The following ZNF69 variants were observed in gnomAD, a reference collection of about 807,000 sequenced individuals.
The protein encoded by ZNF69 is zinc finger protein 69.
ZNF69 carries 47 observed loss-of-function variants against 50.9 expected under a neutral mutation model. The ratio of observed to expected loss-of-function variants is 0.92; its 90% CI spans 0.73 to 1.18. The LOEUF (loss-of-function observed/expected upper bound fraction) is 1.18. ZNF69 is among the 50% of genes most tolerant of loss of function. The probability of loss-of-function intolerance (pLI) is 0.00; values close to 1 mark genes in which losing one functional copy is unlikely to be tolerated. For synonymous variants in ZNF69, 216 were observed against 223.1 expected (o/e 0.97, Z 0.29); for missense variants, 717 against 675.1 (o/e 1.06, Z -0.69).
the ZNF69 span, among the ~76,000 whole-genome samples, chr19:11,938,927 G>A: frequency 2.0e-5 from 3 of 152,126 alleles, no homozygotes; most frequent in Non-Finnish European, 2.9e-5. Context: ...TCTAACTGGT[G>A]TGAGATGGTA....
At chr19:11,903,431 A>G (rs1293049813) in intron 1 of ZNF69, 142 bp from the exon 2 acceptor site, 2 of 1,404,304 alleles carry the variant, frequency 1.4e-6, no homozygotes, top group Non-Finnish European at 1.9e-6. Context: ...TGCTTTATGG[A>G]AGAAAGTAAG....
intron 2 of ZNF69, 35 bp from the exon 3 acceptor site, chr19:11,903,870 T>G (rs1286782703): frequency 6.2e-7 from 1 of 1,607,836 alleles, no homozygotes; most frequent in South Asian, 1.1e-5. Context: ...AATTTTATAC[T>G]GCCTCAGGAC....
chr19:11,899,889 G>T (rs1237277099), intron 1 of ZNF69, among the ~76,000 whole-genome samples: 1 of 152,168 alleles, frequency 6.6e-6, no homozygotes, highest in Non-Finnish European at 1.5e-5. Context: ...CCAGCATTTG[G>T]AAGTGTCAGT....
chr19:11,977,554 C>A, the ZNF69 span: 1 of 1,269,960 alleles, frequency 7.9e-7, no homozygotes, highest in Non-Finnish European at 1.1e-6. Context: ...AGAATATTTT[C>A]TCAAAATCAT....
chr19:11,941,642 G>A, the ZNF69 span, among the ~76,000 whole-genome samples: 5 of 152,188 alleles, frequency 3.3e-5, no homozygotes, highest in East Asian at 5.8e-4. Context: ...GCCCGCAAGC[G>A]CCGCGCGCAG....
chr19:11,964,850 C>A, the ZNF69 span, among the ~76,000 whole-genome samples: 1 of 152,246 alleles, frequency 6.6e-6, no homozygotes, highest in Non-Finnish European at 1.5e-5. Context: ...AATCAGAGTA[C>A]AGGAAGCACC....
the ZNF69 span, among the ~76,000 whole-genome samples, chr19:11,962,370 A>G: frequency 2.0e-5 from 3 of 152,188 alleles, no homozygotes; most frequent in Admixed American, 2.0e-4. Context: ...CTTGTTCAAT[A>G]CAAGACTTTC....
chr19:11,888,768 G>T (rs1381028532), intron 1 of ZNF69, among the ~76,000 whole-genome samples: 1 of 152,102 alleles, frequency 6.6e-6, no homozygotes, highest in Non-Finnish European at 1.5e-5. Context: ...AGGAGTTCAA[G>T]ACCAGCCTGG....
At chr19:11,918,550 G>C (rs1417455663), downstream of ZNF69, among the ~76,000 whole-genome samples, 1 of 152,012 alleles carries the variant, frequency 6.6e-6, no homozygotes, top group Non-Finnish European at 1.5e-5. Context: ...GCAGTGTTCT[G>C]GTCACTCACT....
Position 11,905,565 on chromosome 19 carries a change from T to A in ZNF69, c.1168T>A (p.Cys390Ser). The change falls in exon 4 of 4, where the codon TGC becomes AGC. Residue 390 changes from cysteine to serine, a missense_variant. Transcript: ENST00000429654. ...TCACAGTGGAGAGAAACCCTATAAA[T>A]GCAAGCAATGTGGTAAAGCCTTCAT... ...KTHSGEKPYK[C>S]KQCGKAFIHS... 1 of 1,613,938 alleles carries A rather than the reference T, an allele frequency of 6.2e-7. No homozygotes were observed. The highest frequency in any genetic ancestry group is 2.2e-5 in the East Asian group (1 of 44,838).
chr19:11,978,989 T>C, the ZNF69 span: 1 of 1,614,180 alleles, frequency 6.2e-7, no homozygotes. Flanking sequence ...CCAGTTCCCT[T>C]CGTAGACATG....
the ZNF69 span, among the ~76,000 whole-genome samples, chr19:11,935,745 T>C: frequency 6.6e-6 from 1 of 152,238 alleles, no homozygotes; most frequent in Non-Finnish European, 1.5e-5. Context: ...CTAGGGTACA[T>C]GTGCACAACG....
intron 1 of ZNF69, among the ~76,000 whole-genome samples, chr19:11,896,555 C>G (rs1418177156): frequency 6.6e-6 from 1 of 152,102 alleles, no homozygotes; most frequent in Non-Finnish European, 1.5e-5. Context: ...CTTCATGTGA[C>G]AGAGGAGAGG....
chr19:11,966,415 C>T, the ZNF69 span, among the ~76,000 whole-genome samples: 2 of 152,148 alleles, frequency 1.3e-5, no homozygotes, highest in Non-Finnish European at 2.9e-5. Context: ...CTTCTGTCGC[C>T]CAGGCTGGAG....
At chr19:11,909,639 C>G (rs186702371), downstream of ZNF69, among the ~76,000 whole-genome samples, 346 of 152,280 alleles carry the variant, frequency 2.3e-3, 2 homozygotes, top group Non-Finnish European at 2.9e-3. Flanking sequence ...TAAAAACTCT[C>G]AATAAACTGG....
the ZNF69 span, among the ~76,000 whole-genome samples, chr19:11,937,557 C>T: frequency 1.3e-5 from 2 of 148,660 alleles, no homozygotes; most frequent in African/African-American, 2.5e-5. Context: ...GGCGCCATCT[C>T]GGCTCACTGC....
At chr19:11,972,183 G>T in the ZNF69 span, among the ~76,000 whole-genome samples, 5 of 152,086 alleles carry the variant, frequency 3.3e-5, no homozygotes, top group African/African-American at 1.2e-4. Flanking sequence ...TACTCAGGAG[G>T]CTGAGGTAGA....
chr19:11,977,356 G>T, the ZNF69 span: 5 of 1,613,232 alleles, frequency 3.1e-6, no homozygotes, highest in African/African-American at 4.0e-5. Context: ...CTACTTTTCT[G>T]TGTCTGTATT....
At chr19:11,940,954 T>C in the ZNF69 span, among the ~76,000 whole-genome samples, 5 of 152,094 alleles carry the variant, frequency 3.3e-5, no homozygotes, top group African/African-American at 7.2e-5. Flanking sequence ...AGGGTGCTGA[T>C]TGGTGTATTT....
Sources: gnomAD v4.1 joint callset for allele counts (sites outside exome capture counted in the v4.1 genomes callset) on GRCh38, gnomAD v4.1.1 for gene constraint, MANE v1.5 for transcripts, NCBI Gene and HGNC (gene_info 2026-07-23, HGNC 2026-07-21) for gene names.